Variants in RCAN2 observed in about 807,000 individuals in gnomAD.
RCAN2 encodes calcipressin-2.
RCAN2 carries 9 observed loss-of-function variants against 23.6 expected under a neutral mutation model. The observed-to-expected ratio is 0.38, with a 90% CI of 0.23 to 0.67. The LOEUF is 0.67. Ranked by LOEUF, RCAN2 falls within the 30% of genes least tolerant of loss-of-function variation. The pLI is 0.51. For missense variants in RCAN2, 273 were observed against 302.3 expected, an observed-to-expected ratio of 0.90 and a Z score of 0.72; for synonymous variants, 109 against 115.7, an observed-to-expected ratio of 0.94 and a Z score of 0.37.
chr6:46,258,423 A>G (rs536086757), intron 2 of RCAN2, among the ~76,000 whole-genome samples: 8 of 152,370 alleles, frequency 5.3e-5, no homozygotes, highest in South Asian at 2.1e-4. Context: ...AATAAAAATC[A>G]TTGTGAAAAG....
intron 2 of RCAN2, chr6:46,325,280 G>GC (rs1763754686): frequency 3.5e-6 from 4 of 1,143,596 alleles, no homozygotes; most frequent in Admixed American, 4.9e-5. Context: ...CATTTCTAGC[G>GC]CAGACTATGA....
intron 2 of RCAN2, among the ~76,000 whole-genome samples, chr6:46,440,049 T>C (rs1350984914): frequency 6.6e-6 from 1 of 152,130 alleles, no homozygotes; most frequent in Non-Finnish European, 1.5e-5. Context: ...AGAATAAAAC[T>C]CTCAAGCATC....
chr6:46,413,319 A>G (rs1382317226), intron 2 of RCAN2, among the ~76,000 whole-genome samples: 5 of 152,364 alleles, frequency 3.3e-5, no homozygotes, highest in East Asian at 1.9e-4. Context: ...TCCTGGAAAC[A>G]TGAAGATAAT....
At chr6:46,225,471 C>T (rs1765630669) in intron 4 of RCAN2, among the ~76,000 whole-genome samples, 1 of 152,190 alleles carries the variant, frequency 6.6e-6, no homozygotes, top group South Asian at 2.1e-4. Flanking sequence ...TAATGATCAC[C>T]ATTCTAACTG....
intron 2 of RCAN2, among the ~76,000 whole-genome samples, chr6:46,348,563 T>C (rs1260769595): frequency 6.6e-6 from 1 of 152,216 alleles, no homozygotes. Context: ...CTGATCATTC[T>C]GTCTATGGGA....
At chr6:46,231,278 C>T (rs566427521) in intron 4 of RCAN2, among the ~76,000 whole-genome samples, 82 of 152,250 alleles carry the variant, frequency 5.4e-4, no homozygotes, top group Middle Eastern at 3.4e-3. Flanking sequence ...CCCAAAGCTA[C>T]GACAGGCCAG....
At chr6:46,244,545 A>G (rs758494947) in intron 4 of RCAN2, among the ~76,000 whole-genome samples, 2 of 152,214 alleles carry the variant, frequency 1.3e-5, no homozygotes, top group African/African-American at 2.4e-5. Flanking sequence ...GTTCTTTCAC[A>G]TTCTTGATAA....
chr6:46,476,974 C>G (rs1365049532), intron 1 of RCAN2, among the ~76,000 whole-genome samples: 1 of 152,110 alleles, frequency 6.6e-6, no homozygotes. Flanking sequence ...ATCAATCATA[C>G]CTGAATGATG....
At chr6:46,328,585 C>T (rs549841600) in intron 2 of RCAN2, among the ~76,000 whole-genome samples, 2 of 152,240 alleles carry the variant, frequency 1.3e-5, no homozygotes, top group Admixed American at 1.3e-4. Context: ...CCTGTTATAA[C>T]AGTGTCCTGT....
intron 2 of RCAN2, among the ~76,000 whole-genome samples, chr6:46,251,883 A>G (rs1766738455): frequency 6.6e-6 from 1 of 152,206 alleles, no homozygotes; most frequent in African/African-American, 2.4e-5. Context: ...TTTTGGGCTT[A>G]GGCTGAAAAA....
At chr6:46,350,090 T>A (rs902211346) in intron 2 of RCAN2, among the ~76,000 whole-genome samples, 9 of 152,218 alleles carry the variant, frequency 5.9e-5, no homozygotes, top group African/African-American at 1.7e-4. Context: ...TTTACTTTTT[T>A]AATTGGTTTT....
At chr6:46,359,046 G>T in intron 2 of RCAN2, among the ~76,000 whole-genome samples, 1 of 152,176 alleles carries the variant, frequency 6.6e-6, no homozygotes, top group East Asian at 1.9e-4. Flanking sequence ...GAGCACATCA[G>T]AATTAAAACA....
chr6:46,314,770 C>A (rs922780845), intron 2 of RCAN2, among the ~76,000 whole-genome samples: 2 of 152,184 alleles, frequency 1.3e-5, no homozygotes, highest in African/African-American at 4.8e-5. Flanking sequence ...TGCCTTAAAA[C>A]TTCTGTATTC....
At chr6:46,388,918 C>A (rs2088167443) in intron 2 of RCAN2, among the ~76,000 whole-genome samples, 1 of 152,106 alleles carries the variant, frequency 6.6e-6, no homozygotes, top group South Asian at 2.1e-4. Context: ...ACCTATGTAA[C>A]AAACCTGCAC....
chr6:46,279,707 G>C (rs1425781604), intron 2 of RCAN2, among the ~76,000 whole-genome samples: 1 of 152,184 alleles, frequency 6.6e-6, no homozygotes, highest in African/African-American at 2.4e-5. Flanking sequence ...GACCATACTG[G>C]GTTCAACTTT....
chr6:46,459,128 C>T (rs1768139697), intron 1 of RCAN2, among the ~76,000 whole-genome samples: 1 of 152,334 alleles, frequency 6.6e-6, no homozygotes. Context: ...GAACTCCTGA[C>T]CTCAGGTGAT....
intron 1 of RCAN2, among the ~76,000 whole-genome samples, chr6:46,475,083 T>G (rs1028549614): frequency 1.3e-5 from 2 of 152,228 alleles, no homozygotes; most frequent in African/African-American, 4.8e-5. Context: ...TTTTTCTGTA[T>G]AAGAATCTTA....
At chr6:46,243,826 A>AC (rs1766408131) in intron 4 of RCAN2, among the ~76,000 whole-genome samples, 1 of 150,586 alleles carries the variant, frequency 6.6e-6, no homozygotes, top group African/African-American at 2.5e-5. Flanking sequence ...AAAAAAAAAA[A>AC]AAAAAACCAA....
intron 2 of RCAN2, among the ~76,000 whole-genome samples, chr6:46,288,838 G>A (rs1762452085): frequency 6.6e-6 from 1 of 152,258 alleles, no homozygotes; most frequent in African/African-American, 2.4e-5. Flanking sequence ...AAAGTTCCAT[G>A]AGGTCAGAAG....
Sources: allele counts gnomAD v4.1 joint callset (sites outside exome capture counted in the v4.1 genomes callset), GRCh38; gene constraint gnomAD v4.1.1; transcripts MANE v1.5; gene names NCBI Gene and HGNC (gene_info 2026-07-23, HGNC 2026-07-21).